MRPL34: variants seen among roughly 807,000 people sequenced by gnomAD.
The protein encoded by MRPL34 is mitochondrial ribosomal protein L34.
Under a neutral mutation model 6.7 loss-of-function variants are expected in MRPL34, and 8 were observed. The observed-to-expected ratio is 1.20, with a 90% CI of 0.70 to 2.16. The LOEUF (loss-of-function observed/expected upper bound fraction) is 2.16. Among genes scored for constraint, MRPL34 ranks in the 30% most tolerant of loss-of-function variants. MRPL34 has a pLI of 0.00. For missense variants in MRPL34, 146 were observed against 125.5 expected (o/e 1.16, Z -0.78); for synonymous variants, 59 against 55.1 (o/e 1.07, Z -0.31).
At chr19:17,301,563 G>T, upstream of MRPL34, 2 of 1,597,974 alleles carry the variant, frequency 1.3e-6, no homozygotes, top group South Asian at 1.1e-5. Flanking sequence ...CCACGGCGTT[G>T]GGGGGCGTGC....
At chr19:17,300,095 A>G (rs1295211977), upstream of MRPL34, among the ~76,000 whole-genome samples, 1 of 151,208 alleles carries the variant, frequency 6.6e-6, no homozygotes, top group African/African-American at 2.4e-5. Context: ...TAGTAGAGAC[A>G]GGGTTTCACC....
chr19:17,302,697 A>G (rs2074126130), upstream of MRPL34, among the ~76,000 whole-genome samples: 1 of 152,212 alleles, frequency 6.6e-6, no homozygotes, highest in African/African-American at 2.4e-5. Context: ...GGGATCTGCT[A>G]TACAAGTCCC....
rs1452094909 is a variant in MRPL34 at position 17,305,886 on chromosome 19, T to G, written c.-7T>G. On this transcript the variant is annotated 5_prime_UTR_variant, in exon 1 of 2. Transcript: ENST00000252602. ...CCGCAGCCGGTACTGCGGGACCCAC[T>G]GCGGATATGGCTGTCTTGGCTGGAT... 6.2e-7 allele frequency: 1 copy of G among 1,614,032 alleles called. No individual in the cohort carries two copies. Among genetic ancestry groups the G allele is most frequent in the Non-Finnish European group, 8.5e-7 (1 of 1,179,962 alleles).
At chr19:17,305,727 C>G (rs2145665760), upstream of MRPL34, 1 of 723,848 alleles carries the variant, frequency 1.4e-6, no homozygotes, top group Middle Eastern at 2.5e-4. Flanking sequence ...TAGACTGGCG[C>G]GCCTCTGTTG....
upstream of MRPL34, among the ~76,000 whole-genome samples, chr19:17,303,704 C>T (rs1278236528): frequency 3.3e-5 from 5 of 152,184 alleles, no homozygotes; most frequent in Admixed American, 6.5e-5. Flanking sequence ...AATGGGTCTC[C>T]CAAGCCCTTG....
upstream of MRPL34, chr19:17,301,428 T>G: frequency 6.2e-7 from 1 of 1,612,110 alleles, no homozygotes; most frequent in Non-Finnish European, 8.5e-7. Flanking sequence ...CATCCGAGGA[T>G]GCGGATGATG....
At chr19:17,301,529 T>C, upstream of MRPL34, 1 of 1,610,652 alleles carries the variant, frequency 6.2e-7, no homozygotes, top group South Asian at 1.1e-5. Context: ...TAGCCATCGC[T>C]GGACTCGACG....
intron 1 of MRPL34, chr19:17,294,215 C>G: frequency 6.6e-7 from 1 of 1,525,700 alleles, no homozygotes; most frequent in African/African-American, 1.4e-5. Flanking sequence ...CCACGCCCCC[C>G]GCAGAGGCCA....
chr19:17,300,271 T>C (rs935439162), upstream of MRPL34, among the ~76,000 whole-genome samples: 5 of 151,582 alleles, frequency 3.3e-5, no homozygotes, highest in Admixed American at 3.3e-4. Context: ...AGTGGTGTGA[T>C]CACAGTTCAC....
exon 1 of MRPL34, chr19:17,292,759 C>T (rs1393000400): frequency 6.2e-7 from 1 of 1,613,764 alleles, no homozygotes; most frequent in Admixed American, 1.7e-5. Context: ...AGCGTGTTGA[C>T]CGTCTCAGGG....
At chr19:17,294,361 G>A (rs1479925569) in intron 1 of MRPL34, 1 of 1,613,724 alleles carries the variant, frequency 6.2e-7, no homozygotes, top group Non-Finnish European at 8.5e-7. Context: ...GACGGGCACG[G>A]TGAGCTCGGC....
upstream of MRPL34, chr19:17,301,611 C>G (rs1297129788): frequency 1.3e-6 from 2 of 1,548,342 alleles, no homozygotes; most frequent in African/African-American, 2.7e-5. Context: ...TCACCCCGGT[C>G]AGCATGGTGT....
upstream of MRPL34, among the ~76,000 whole-genome samples, chr19:17,304,332 C>G (rs1355678418): frequency 6.6e-6 from 1 of 152,218 alleles, no homozygotes; most frequent in African/African-American, 2.4e-5. Flanking sequence ...AGTTACTTCA[C>G]TTTCCTGAGC....
chr19:17,305,768 TC>T (rs1189152096), upstream of MRPL34: 8 of 967,390 alleles, frequency 8.3e-6, no homozygotes, highest in African/African-American at 1.7e-4. Flanking sequence ...TTCAGGGTTT[TC>T]CCCAACGGCC....
intron 1 of MRPL34, chr19:17,296,279 T>C (rs4808620): frequency 0.78 from 118,084 of 152,154 alleles, 46,870 homozygotes; most frequent in African/African-American, 0.82. Flanking sequence ...GTCTTGAACT[T>C]CTGGGCTCAA....
At position 17,306,380 on chromosome 19, in the gene MRPL34, GGATCGC is replaced by G. The variant is rs752128680; in HGVS notation, c.*4_*9del. The G allele has an allele frequency of 1.4e-5, 22 of 1,578,692 alleles. No individual in the cohort carries two copies. In the East Asian group the frequency reaches 4.8e-4, roughly 35 times the overall value. ...GGGCCGCAAGTCGCTGAGCCATTGA[GGATCGC>G]GACGCAGTCGGCGGGACCCTCATGG... is the stretch of plus-strand genomic sequence containing the variant. On this transcript the variant is annotated 3_prime_UTR_variant, in exon 2 of 2. Transcript: ENST00000252602.
chr19:17,299,517 C>T (rs577046116), upstream of MRPL34, among the ~76,000 whole-genome samples: 35 of 144,812 alleles, frequency 2.4e-4, no homozygotes, highest in African/African-American at 8.3e-4. Flanking sequence ...GCCAGGATCA[C>T]GCCACTGCAC....
At chr19:17,293,018 A>G (rs558595241) in intron 1 of MRPL34, among the ~76,000 whole-genome samples, 1 of 151,976 alleles carries the variant, frequency 6.6e-6, no homozygotes, top group Non-Finnish European at 1.5e-5. Flanking sequence ...CTGGAACCCA[A>G]CTAGTATTCA....
At chr19:17,305,839 C>T (rs1389448670), upstream of MRPL34, 2 of 1,542,480 alleles carry the variant, frequency 1.3e-6, no homozygotes, top group African/African-American at 1.4e-5. Context: ...AGGGCTGGAG[C>T]GGCTCTGGGC....
Sources: gnomAD v4.1 joint callset for allele counts (sites outside exome capture counted in the v4.1 genomes callset) on GRCh38, gnomAD v4.1.1 for gene constraint, MANE v1.5 for transcripts, NCBI Gene and HGNC (gene_info 2026-07-23, HGNC 2026-07-21) for gene names.